Variants in ATP8A2 observed in about 807,000 individuals in gnomAD.
The protein encoded by ATP8A2 is phospholipid-transporting ATPase IB.
ATP8A2 carries 100 observed loss-of-function variants against 165.6 expected under a neutral mutation model. That is an observed-to-expected ratio of 0.60 (90% CI 0.51 to 0.71). The LOEUF is 0.71. Among genes scored for constraint, ATP8A2 ranks in the 30% least tolerant of loss-of-function variants. ATP8A2 has a pLI of 0.00. For synonymous variants in ATP8A2, 543 were observed against 548.8 expected, an observed-to-expected ratio of 0.99 and a Z score of 0.15; for missense variants, 1,227 against 1,479.5, an observed-to-expected ratio of 0.83 and a Z score of 2.80.
At chr13:25,972,158 G>A (rs2139220449) in intron 35 of ATP8A2, among the ~76,000 whole-genome samples, 1 of 152,268 alleles carries the variant, frequency 6.6e-6, no homozygotes, top group Admixed American at 6.5e-5. Context: ...TTTTGAAATG[G>A]TAGCCAGGGA....
At chr13:25,439,535 G>A (rs1204029229) in intron 1 of ATP8A2, among the ~76,000 whole-genome samples, 1 of 152,128 alleles carries the variant, frequency 6.6e-6, no homozygotes, top group East Asian at 1.9e-4. Flanking sequence ...CACTTGTTTT[G>A]TTGGTTTTAA....
intron 24 of ATP8A2, among the ~76,000 whole-genome samples, chr13:25,670,006 A>G (rs573751781): frequency 1.3e-5 from 2 of 152,332 alleles, no homozygotes; most frequent in South Asian, 2.1e-4. Flanking sequence ...TGGCTGCCCT[A>G]TGGTGCTGGG....
At chr13:25,718,797 C>T (rs762412101) in intron 25 of ATP8A2, among the ~76,000 whole-genome samples, 30 of 152,282 alleles carry the variant, frequency 2.0e-4, no homozygotes, top group Admixed American at 3.3e-4. Flanking sequence ...CTTACAAACA[C>T]GTACTGTTTA....
At chr13:25,433,488 G>A (rs1204861514) in intron 1 of ATP8A2, among the ~76,000 whole-genome samples, 1 of 152,034 alleles carries the variant, frequency 6.6e-6, no homozygotes, top group Non-Finnish European at 1.5e-5. Flanking sequence ...TGCTGAGGCT[G>A]GTCTTGAACT....
At chr13:25,836,580 A>G (rs905588111) in intron 28 of ATP8A2, among the ~76,000 whole-genome samples, 6 of 152,268 alleles carry the variant, frequency 3.9e-5, no homozygotes, top group Middle Eastern at 6.8e-3. Flanking sequence ...ATTTACCTCT[A>G]TGCCTGTTGC....
chr13:25,468,688 G>A (rs12866265), intron 1 of ATP8A2: 2 of 343,506 alleles, frequency 5.8e-6, no homozygotes, highest in South Asian at 2.3e-4. Flanking sequence ...TCCCTGCAGG[G>A]AGGGAGCGCA....
intron 27 of ATP8A2, among the ~76,000 whole-genome samples, chr13:25,786,928 T>A (rs1047595665): frequency 6.6e-5 from 10 of 152,032 alleles, no homozygotes; most frequent in East Asian, 3.9e-4. Flanking sequence ...GCTAATTTTT[T>A]AAAAAATTAT....
chr13:25,789,927 A>C (rs572517952), intron 27 of ATP8A2, among the ~76,000 whole-genome samples: 1 of 152,320 alleles, frequency 6.6e-6, no homozygotes, highest in African/African-American at 2.4e-5. Flanking sequence ...ATAAGACCAC[A>C]TACCTACAAC....
intron 25 of ATP8A2, among the ~76,000 whole-genome samples, chr13:25,744,849 A>G (rs552678535): frequency 6.6e-6 from 1 of 152,172 alleles, no homozygotes; most frequent in Non-Finnish European, 1.5e-5. Context: ...CCTTAAATGT[A>G]TTTTCCGAGA....
At chr13:25,926,366 A>G (rs1053794596) in intron 33 of ATP8A2, among the ~76,000 whole-genome samples, 2 of 152,086 alleles carry the variant, frequency 1.3e-5, no homozygotes, top group South Asian at 4.1e-4. Flanking sequence ...GGCATCCAGG[A>G]TCTTTCCTGA....
At chr13:25,821,302 C>G (rs1951174586) in intron 27 of ATP8A2, among the ~76,000 whole-genome samples, 1 of 152,146 alleles carries the variant, frequency 6.6e-6, no homozygotes, top group Non-Finnish European at 1.5e-5. Flanking sequence ...TCAACAAGGT[C>G]AGTTCATGGA....
At chr13:25,771,478 C>CT (rs1440481949) in intron 26 of ATP8A2, among the ~76,000 whole-genome samples, 2 of 152,172 alleles carry the variant, frequency 1.3e-5, no homozygotes, top group Admixed American at 1.3e-4. Flanking sequence ...AAATATTTGT[C>CT]TGTCTTTTTC....
chr13:25,379,565 C>G (rs985751456), intron 1 of ATP8A2, among the ~76,000 whole-genome samples: 4 of 152,166 alleles, frequency 2.6e-5, no homozygotes, highest in African/African-American at 9.7e-5. Flanking sequence ...TAATGATTAT[C>G]CTTGTTTAAG....
intron 26 of ATP8A2, among the ~76,000 whole-genome samples, chr13:25,771,238 A>AGCAT (rs1470970252): frequency 1.4e-4 from 21 of 152,198 alleles, no homozygotes; most frequent in Admixed American, 3.9e-4. Flanking sequence ...CAAGCAAGCA[A>AGCAT]GCATCTTGGG....
chr13:25,618,716 A>G (rs1593662571), intron 24 of ATP8A2, among the ~76,000 whole-genome samples: 1 of 130,212 alleles, frequency 7.7e-6, no homozygotes, highest in African/African-American at 3.0e-5. Flanking sequence ...CAAGATCTCT[A>G]TGTAGGGTAG....
At position 25,818,462 on chromosome 13, in the gene ATP8A2, G is replaced by A. The variant is rs949608770; in HGVS notation, c.2680-9656G>A. 5.3e-5 allele frequency among the ~76,000 whole-genome samples: 8 copies of A among 152,110 alleles called. No homozygotes were observed. In the East Asian group the frequency reaches 1.2e-3, roughly 22 times the overall value. ...AAATAAGTAGGATTGACTGCTAGTCGCTGCAGTCTACTAAACACCTATTTG... is the reference window on the plus strand; with the variant it reads ...AAATAAGTAGGATTGACTGCTAGTCACTGCAGTCTACTAAACACCTATTTG... On this transcript the variant is annotated intron_variant, in intron 27 of 36. Transcript: ENST00000381655.
intron 24 of ATP8A2, among the ~76,000 whole-genome samples, chr13:25,592,379 T>C (rs1007345175): frequency 6.6e-6 from 1 of 152,194 alleles, no homozygotes; most frequent in African/African-American, 2.4e-5. Flanking sequence ...TGAACAAGCT[T>C]AAGATAATTT....
intron 1 of ATP8A2, chr13:25,468,755 G>T (rs1438379115): frequency 1.1e-6 from 1 of 873,342 alleles, no homozygotes; most frequent in Non-Finnish European, 1.4e-6. Context: ...CAGGGGCCGC[G>T]CGGGGCGTGG....
chr13:25,608,686 C>T (rs978197092), intron 24 of ATP8A2, among the ~76,000 whole-genome samples: 2 of 152,182 alleles, frequency 1.3e-5, no homozygotes, highest in African/African-American at 2.4e-5. Context: ...CACATAAACA[C>T]ACATCACACA....
Sources: allele counts gnomAD v4.1 joint callset (sites outside exome capture counted in the v4.1 genomes callset), GRCh38; gene constraint gnomAD v4.1.1; transcripts MANE v1.5; gene names NCBI Gene and HGNC (gene_info 2026-07-23, HGNC 2026-07-21).